RBM41: variants seen among roughly 807,000 people sequenced by gnomAD.
RBM41 encodes the protein RNA binding motif protein 41, also known as RNA-binding protein 41.
RBM41 carries 14 observed loss-of-function variants against 30.8 expected under a neutral mutation model. The observed-to-expected ratio is 0.45, with a 90% CI of 0.30 to 0.71. The LOEUF (loss-of-function observed/expected upper bound fraction) is 0.71. Among genes scored for constraint, RBM41 ranks in the 30% least tolerant of loss-of-function variants. The pLI is 0.08. For synonymous variants in RBM41, 120 were observed against 110.1 expected (o/e 1.09, Z -0.56); for missense variants, 276 against 326.3 (o/e 0.85, Z 1.19).
At chrX:107,104,083 C>G (rs1355674254) in intron 5 of RBM41, among the ~76,000 whole-genome samples, 1 of 110,301 alleles carries the variant, frequency 9.1e-6, no homozygotes, top group Non-Finnish European at 1.9e-5. Context: ...CGCTCCCCTC[C>G]CCTACCCCCC....
At chrX:107,088,973 T>C (rs1388556087) in intron 5 of RBM41, 134 bp from the exon 6 acceptor site, 8 of 890,531 alleles carry the variant, frequency 9.0e-6, no homozygotes, top group Non-Finnish European at 1.2e-5. Context: ...CTGTGACAAA[T>C]GACAATGGTA....
Position 107,078,369 on chromosome X carries a change from A to C in RBM41, c.1000-8967T>G, listed in dbSNP as rs188168341. 8.1e-5 allele frequency among the ~76,000 whole-genome samples: 9 copies of C among 111,456 alleles called. No individual in the cohort carries two copies. The East Asian group carries it at 2.5e-3, about 31-fold the overall frequency. On this transcript the variant is annotated intron_variant, in intron 6 of 7. Coordinates refer to ENST00000685964, the MANE Select transcript of RBM41 (RefSeq NM_001324242.2). ...CAGAGTATCTACATAAGTTGTATGA[A>C]ATTCTTTTTCATGGGAGGTGTATAT...
the RBM41 span, among the ~76,000 whole-genome samples, chrX:107,055,683 T>C: frequency 8.9e-6 from 1 of 112,526 alleles, no homozygotes; most frequent in East Asian, 2.8e-4. Flanking sequence ...TGGTTAACTT[T>C]TTGAACAGCC....
chrX:107,092,674 T>C, intron 5 of RBM41, among the ~76,000 whole-genome samples: 1 of 112,171 alleles, frequency 8.9e-6, no homozygotes. Flanking sequence ...AAGATACTAA[T>C]AGAAAACCAA....
intron 6 of RBM41, among the ~76,000 whole-genome samples, chrX:107,083,498 T>C (rs892745453): frequency 2.1e-4 from 23 of 111,376 alleles, no homozygotes; most frequent in African/African-American, 7.5e-4. Context: ...TTCTTCTCCT[T>C]CTTTTTCTCT....
At chrX:107,054,047 T>C in the RBM41 span, among the ~76,000 whole-genome samples, 2 of 110,301 alleles carry the variant, frequency 1.8e-5, no homozygotes, top group African/African-American at 6.6e-5. Flanking sequence ...GGGGAGCTAC[T>C]GGTTGTACAG....
rs963013821 is a variant in RBM41, at chrX:107,103,194, T to C, written c.595+10203A>G. On this transcript the variant is annotated intron_variant, in intron 5 of 7. Coordinates refer to ENST00000685964, the MANE Select transcript of RBM41 (RefSeq NM_001324242.2). ...GGGCAGACTGTACTAGGTTGAACAG[T>C]ATACCTCTAAAATTCATGTCCACCT... 1.7e-4 allele frequency among the ~76,000 whole-genome samples: 19 copies of C among 111,268 alleles called. 1 individual carries two copies. The highest frequency in any genetic ancestry group is 1.5e-3 in the Admixed American group (16 of 10,412).
intron 5 of RBM41, among the ~76,000 whole-genome samples, chrX:107,098,788 GT>G (rs1478991235): frequency 9.0e-6 from 1 of 111,492 alleles, no homozygotes; most frequent in Non-Finnish European, 1.9e-5. Context: ...ATCACCAGAA[GT>G]CAGGAGTTCG....
intron 5 of RBM41, among the ~76,000 whole-genome samples, chrX:107,092,884 A>G (rs1287133934): frequency 8.9e-6 from 1 of 111,804 alleles, no homozygotes. Context: ...AAATGTAGGC[A>G]TATATGCACC....
intron 6 of RBM41, among the ~76,000 whole-genome samples, chrX:107,080,404 C>T (rs1921403073): frequency 9.0e-6 from 1 of 111,065 alleles, no homozygotes; most frequent in East Asian, 2.8e-4. Context: ...TATGGCGAAA[C>T]CCCATCTCTA....
At chrX:107,054,971 A>C in the RBM41 span, among the ~76,000 whole-genome samples, 1 of 112,086 alleles carries the variant, frequency 8.9e-6, no homozygotes, top group Non-Finnish European at 1.9e-5. Context: ...AGCATGCCAA[A>C]ATGAAACTGG....
At chrX:107,096,785 G>A (rs894400815) in intron 5 of RBM41, among the ~76,000 whole-genome samples, 1 of 111,610 alleles carries the variant, frequency 9.0e-6, no homozygotes, top group African/African-American at 3.3e-5. Context: ...ACACCATTAA[G>A]AAAATAAAGA....
In RBM41 at chrX:107,088,733, A is replaced by G; in HGVS notation, c.702T>C (p.Gly234=). 8.3e-7 allele frequency: 1 copy of G among 1,211,144 alleles called. No homozygotes were observed. The highest frequency in any genetic ancestry group is 1.1e-6 in the Non-Finnish European group (1 of 895,408). ...KRLEEFQLMR[G]EPFASHSLVS... is the part of the protein sequence containing the mutation. Reference sequence around the variant, plus strand: ...CCAGTGAGTGGGAAGCAAAGGGTTCACCTCTCATAAGTTGAAACTCTTCAA... The same window carrying G: ...CCAGTGAGTGGGAAGCAAAGGGTTCGCCTCTCATAAGTTGAAACTCTTCAA... Residue 234 remains glycine, a synonymous_variant, in exon 6 of 8, where the codon GGT becomes GGC. Coordinates refer to ENST00000685964, the MANE Select transcript of RBM41 (RefSeq NM_001324242.2).
downstream of RBM41, among the ~76,000 whole-genome samples, chrX:107,059,821 A>G (rs960676658): frequency 1.8e-5 from 2 of 111,869 alleles, no homozygotes; most frequent in African/African-American, 6.5e-5. Flanking sequence ...AAGAGTGTCT[A>G]TTTTCCGTAC....
intron 5 of RBM41, among the ~76,000 whole-genome samples, chrX:107,090,123 C>T (rs748555200): frequency 8.9e-6 from 1 of 112,016 alleles, no homozygotes; most frequent in South Asian, 3.7e-4. Context: ...TGCCTGCAAT[C>T]CCAGCACTTT....
intron 6 of RBM41, among the ~76,000 whole-genome samples, chrX:107,071,222 AC>A (rs1474753818): frequency 2.9e-5 from 3 of 104,060 alleles, no homozygotes; most frequent in African/African-American, 1.1e-4. Context: ...AAAAAAAAAA[AC>A]CCAATGAACC....
chrX:107,114,760 T>C (rs1003601436), intron 4 of RBM41: 2 of 112,187 alleles, frequency 1.8e-5, no homozygotes, highest in African/African-American at 6.5e-5. Context: ...TAAACTTCCA[T>C]GCACCTTCCA....
chrX:107,108,835 G>A (rs935909141), intron 5 of RBM41, among the ~76,000 whole-genome samples: 2 of 110,436 alleles, frequency 1.8e-5, no homozygotes, highest in Non-Finnish European at 3.8e-5. Context: ...CAGTTCTGGA[G>A]CACCATAAAA....
At chrX:107,078,994 C>T (rs1177436603) in intron 6 of RBM41, among the ~76,000 whole-genome samples, 2 of 110,606 alleles carry the variant, frequency 1.8e-5, no homozygotes, top group African/African-American at 6.6e-5. Context: ...CAAGGCTCAT[C>T]TTGTATATTT....
Sources: allele counts gnomAD v4.1 joint callset (sites outside exome capture counted in the v4.1 genomes callset), GRCh38; gene constraint gnomAD v4.1.1; transcripts MANE v1.5; gene names NCBI Gene and HGNC (gene_info 2026-07-23, HGNC 2026-07-21).